Variants in SDHAF3 observed in about 807,000 individuals in gnomAD.
SDHAF3 encodes the protein succinate dehydrogenase complex assembly factor 3.
A neutral mutation model predicts 11.5 loss-of-function variants in SDHAF3; 18 were observed. That is an observed-to-expected ratio of 1.56 (90% CI 1.08 to 2.32). The LOEUF (loss-of-function observed/expected upper bound fraction) is 2.32, where lower values mean the gene tolerates loss of function less well. Among genes scored for constraint, SDHAF3 ranks in the 30% most tolerant of loss-of-function variants. The pLI is 0.00. For synonymous variants in SDHAF3, 72 were observed against 59.3 expected, an observed-to-expected ratio of 1.21 and a Z score of -0.99; for missense variants, 200 against 154.4, an observed-to-expected ratio of 1.30 and a Z score of -1.57.
At chr7:97,177,240 G>A (rs1006244148) in intron 1 of SDHAF3, among the ~76,000 whole-genome samples, 23 of 151,900 alleles carry the variant, frequency 1.5e-4, no homozygotes, top group African/African-American at 5.3e-4. Flanking sequence ...CAGTAGCTCA[G>A]GCCTGTAATC....
intron 1 of SDHAF3, among the ~76,000 whole-genome samples, chr7:97,129,266 C>T (rs1375552931): frequency 6.6e-6 from 1 of 152,162 alleles, no homozygotes; most frequent in African/African-American, 2.4e-5. Flanking sequence ...TTGCTTCCTG[C>T]TCCTGATTTC....
At chr7:97,158,101 C>T (rs186042202) in intron 1 of SDHAF3, among the ~76,000 whole-genome samples, 120 of 149,632 alleles carry the variant, frequency 8.0e-4, no homozygotes, top group African/African-American at 1.1e-3. Context: ...CTAACCTGCA[C>T]GTTGTGCACA....
intron 1 of SDHAF3, among the ~76,000 whole-genome samples, chr7:97,144,167 C>G (rs1293386765): frequency 6.6e-6 from 1 of 151,242 alleles, no homozygotes; most frequent in African/African-American, 2.4e-5. Context: ...ATTCTTTACT[C>G]TTTTTGATGG....
chr7:97,140,226 G>A (rs1470427652), intron 1 of SDHAF3, among the ~76,000 whole-genome samples: 1 of 151,770 alleles, frequency 6.6e-6, no homozygotes, highest in Non-Finnish European at 1.5e-5. Flanking sequence ...ACCCTAAAGT[G>A]TCTTTCAAAA....
intron 1 of SDHAF3, among the ~76,000 whole-genome samples, chr7:97,125,999 T>C (rs1323294022): frequency 6.6e-6 from 1 of 152,180 alleles, no homozygotes; most frequent in Admixed American, 6.5e-5. Flanking sequence ...TGTGTGAGGG[T>C]CTTTTTTGTT....
intron 1 of SDHAF3, chr7:97,135,360 CA>C (rs902653344): frequency 3.3e-5 from 5 of 152,110 alleles, no homozygotes; most frequent in African/African-American, 1.2e-4. Flanking sequence ...TTAGCTGCTC[CA>C]AAATGCTTCA....
At chr7:97,139,268 G>A (rs1788989975) in intron 1 of SDHAF3, among the ~76,000 whole-genome samples, 1 of 152,172 alleles carries the variant, frequency 6.6e-6, no homozygotes, top group Admixed American at 6.5e-5. Context: ...AGTGGAGAGG[G>A]GACTCAAAGT....
At chr7:97,134,804 T>C (rs1791723836) in intron 1 of SDHAF3, among the ~76,000 whole-genome samples, 1 of 152,214 alleles carries the variant, frequency 6.6e-6, no homozygotes, top group Non-Finnish European at 1.5e-5. Context: ...ATACAGTTTC[T>C]GGGTGCTCAT....
At chr7:97,121,240 G>A (rs1335281394) in intron 1 of SDHAF3, among the ~76,000 whole-genome samples, 2 of 152,170 alleles carry the variant, frequency 1.3e-5, no homozygotes, top group East Asian at 3.8e-4. Context: ...GTTGTTTAAG[G>A]CTTTCTATTT....
chr7:97,118,483 T>C (rs1335594224), intron 1 of SDHAF3, among the ~76,000 whole-genome samples: 2 of 152,050 alleles, frequency 1.3e-5, no homozygotes, highest in African/African-American at 4.8e-5. Context: ...CAAGTCATTG[T>C]TACTTCGCCC....
chr7:97,117,970 C>A (rs762630813), intron 1 of SDHAF3, 73 bp downstream of exon 1: 40 of 1,557,626 alleles, frequency 2.6e-5, no homozygotes, highest in Non-Finnish European at 3.4e-5. Context: ...GTTCCAGTCC[C>A]CCATGCGGGG....
At chr7:97,149,273 T>C (rs749558040) in intron 1 of SDHAF3, among the ~76,000 whole-genome samples, 3 of 152,126 alleles carry the variant, frequency 2.0e-5, no homozygotes, top group Non-Finnish European at 4.4e-5. Flanking sequence ...GTCTGTGAGA[T>C]TGGAGTAGTC....
chr7:97,119,424 T>C (rs1477893532), intron 1 of SDHAF3, among the ~76,000 whole-genome samples: 3 of 152,210 alleles, frequency 2.0e-5, no homozygotes, highest in African/African-American at 7.2e-5. Flanking sequence ...AAAAATGTGT[T>C]AGTTGACCTA....
intron 1 of SDHAF3, among the ~76,000 whole-genome samples, chr7:97,152,617 G>C (rs1237702280): frequency 6.7e-6 from 1 of 150,066 alleles, no homozygotes; most frequent in African/African-American, 2.5e-5. Context: ...CTCTGACTGC[G>C]TGACTTCTGA....
At chr7:97,131,700 G>T (rs1402865575) in intron 1 of SDHAF3, among the ~76,000 whole-genome samples, 1 of 152,166 alleles carries the variant, frequency 6.6e-6, no homozygotes, top group East Asian at 1.9e-4. Flanking sequence ...ATTAATATGT[G>T]ATTGGTCACA....
chr7:97,140,831 T>A (rs1789022828), intron 1 of SDHAF3, among the ~76,000 whole-genome samples: 1 of 152,174 alleles, frequency 6.6e-6, no homozygotes. Context: ...CAATATGAAA[T>A]CTGGGCACCT....
chr7:97,133,941 A>C (rs182465203), intron 1 of SDHAF3, among the ~76,000 whole-genome samples: 27 of 152,372 alleles, frequency 1.8e-4, no homozygotes, highest in South Asian at 4.1e-4. Context: ...CCCAAGGCCA[A>C]AACTGGAATA....
intron 1 of SDHAF3, among the ~76,000 whole-genome samples, chr7:97,178,572 T>C (rs1277483386): frequency 6.6e-6 from 1 of 152,210 alleles, no homozygotes; most frequent in Admixed American, 6.5e-5. Flanking sequence ...TAGGGTGAAG[T>C]GGCATCTCAT....
At chr7:97,174,517 TC>T (rs1789651622) in intron 1 of SDHAF3, among the ~76,000 whole-genome samples, 1 of 152,238 alleles carries the variant, frequency 6.6e-6, no homozygotes, top group South Asian at 2.1e-4. Flanking sequence ...TGATGCAAGA[TC>T]CTGCCTCACA....
Sources: allele counts gnomAD v4.1 joint callset (sites outside exome capture counted in the v4.1 genomes callset), GRCh38; gene constraint gnomAD v4.1.1; transcripts MANE v1.5; gene names NCBI Gene and HGNC (gene_info 2026-07-23, HGNC 2026-07-21).